Variants in VAMP4 observed in about 807,000 individuals in gnomAD.
VAMP4 encodes vesicle-associated membrane protein 4.
A neutral mutation model predicts 23.5 loss-of-function variants in VAMP4; 19 were observed. That is an observed-to-expected ratio of 0.81 (90% CI 0.56 to 1.19). The LOEUF is 1.19. VAMP4 is among the 50% of genes most tolerant of loss of function. The pLI is 0.00. For missense variants in VAMP4, 145 were observed against 168.6 expected (o/e 0.86, Z 0.78); for synonymous variants, 31 against 51.0 (o/e 0.61, Z 1.67).
intron 2 of VAMP4, among the ~76,000 whole-genome samples, chr1:171,730,020 G>A (rs1226477079): frequency 6.6e-6 from 1 of 152,136 alleles, no homozygotes; most frequent in African/African-American, 2.4e-5. Flanking sequence ...ACACAGGAAG[G>A]GGTATGAGCC....
intron 3 of VAMP4, among the ~76,000 whole-genome samples, chr1:171,728,117 C>G (rs572720999): frequency 6.6e-6 from 1 of 152,128 alleles, no homozygotes; most frequent in Non-Finnish European, 1.5e-5. Context: ...CAGAAATAAA[C>G]AATTCATAAG....
rs193201484 is a variant in VAMP4, at chr1:171,718,168, T to C, written c.164+1003A>G. 5.3e-5 allele frequency among the ~76,000 whole-genome samples: 8 copies of C among 152,354 alleles called. No individual in the cohort carries two copies. The East Asian group carries it at 1.5e-3, about 29-fold the overall frequency. ...CCAGTCTAGTACCTGTAATCATTTA[T>C]TGGTTCTTTGGTTCCATATCTCAAA... On this transcript the variant is annotated intron_variant, in intron 4 of 7. Transcript: ENST00000236192.
chr1:171,729,638 T>C (rs1414443409), intron 2 of VAMP4, among the ~76,000 whole-genome samples: 5 of 152,188 alleles, frequency 3.3e-5, no homozygotes, highest in African/African-American at 1.2e-4. Context: ...AAGATGTTCA[T>C]TTCCTAATCA....
intron 1 of VAMP4, among the ~76,000 whole-genome samples, chr1:171,741,003 A>G (rs148249514): frequency 7.2e-4 from 109 of 152,352 alleles, no homozygotes; most frequent in East Asian, 7.7e-4. Context: ...CATGCTCAGA[A>G]AGTAGACTAG....
intron 2 of VAMP4, among the ~76,000 whole-genome samples, chr1:171,734,065 C>T (rs900278754): frequency 1.3e-5 from 2 of 151,934 alleles, no homozygotes; most frequent in Non-Finnish European, 2.9e-5. Flanking sequence ...GTCAGGAGTT[C>T]GAGACTAGCC....
chr1:171,728,272 C>T (rs1261975257), intron 3 of VAMP4, among the ~76,000 whole-genome samples: 6 of 152,120 alleles, frequency 3.9e-5, no homozygotes, highest in African/African-American at 1.2e-4. Context: ...ATCTTCTTGG[C>T]TTCATGATCC....
chr1:171,708,843 G>C (rs1174893246), intron 6 of VAMP4, among the ~76,000 whole-genome samples: 2 of 140,566 alleles, frequency 1.4e-5, no homozygotes, highest in East Asian at 4.2e-4. Flanking sequence ...GCCGAGATCA[G>C]CCTGGACAAC....
chr1:171,735,363 C>A (rs145333046), intron 2 of VAMP4, among the ~76,000 whole-genome samples: 144 of 152,254 alleles, frequency 9.5e-4, no homozygotes, highest in Middle Eastern at 3.4e-3. Flanking sequence ...TTGGCTACAA[C>A]CTTCTCTGCT....
At chr1:171,710,400 A>C (rs1654812559) in intron 5 of VAMP4, among the ~76,000 whole-genome samples, 1 of 152,100 alleles carries the variant, frequency 6.6e-6, no homozygotes, top group Admixed American at 6.6e-5. Context: ...TTGAAAAGTG[A>C]GTAGGTCTTT....
intron 4 of VAMP4, 31 bp downstream of exon 4, chr1:171,719,120 CTAGTCTACACAGAAATATGA>C: frequency 6.4e-7 from 1 of 1,554,334 alleles, no homozygotes; most frequent in Non-Finnish European, 8.8e-7. Context: ...TTGCCAATCT[CTAGTCTACACAGAAATATGA>C]TTATCATTTA....
intron 7 of VAMP4, among the ~76,000 whole-genome samples, chr1:171,705,403 A>G (rs1215002743): frequency 6.6e-6 from 1 of 152,144 alleles, no homozygotes; most frequent in African/African-American, 2.4e-5. Context: ...AAAAAGCACA[A>G]CAATGCAGAA....
intron 4 of VAMP4, among the ~76,000 whole-genome samples, chr1:171,715,174 A>G (rs1182869120): frequency 1.3e-5 from 2 of 152,248 alleles, no homozygotes; most frequent in Non-Finnish European, 2.9e-5. Context: ...ATTAACTGGT[A>G]GTAGACGATG....
At chr1:171,741,739 C>A (rs573931958) in intron 1 of VAMP4, among the ~76,000 whole-genome samples, 171 bp downstream of exon 1, 34 of 152,244 alleles carry the variant, frequency 2.2e-4, no homozygotes, top group African/African-American at 7.9e-4. Context: ...CTTCCTTCCT[C>A]ACGGCACCCC....
Position 171,719,241 on chromosome 1 carries a change from A to T in VAMP4, c.114-20T>A, listed in dbSNP as rs1360102504. 1 of 1,602,498 alleles carries T rather than the reference A, an allele frequency of 6.2e-7. No homozygotes were observed. Among genetic ancestry groups the T allele is most frequent in the Non-Finnish European group, 8.5e-7 (1 of 1,171,788 alleles). ...CCCCTTCTGAAAACAAGTACATACC[A>T]AGTACATATTAGTAGTGACAGGATT... On this transcript the variant is annotated intron_variant, in intron 3 of 7. Transcript: ENST00000236192.
intron 3 of VAMP4, among the ~76,000 whole-genome samples, chr1:171,723,547 G>C (rs765259424): frequency 6.6e-6 from 1 of 152,186 alleles, no homozygotes; most frequent in Non-Finnish European, 1.5e-5. Flanking sequence ...ATATGGCTCT[G>C]TTCTGCCCAG....
intron 2 of VAMP4, among the ~76,000 whole-genome samples, chr1:171,729,759 A>C (rs1655499226): frequency 1.3e-5 from 2 of 152,168 alleles, no homozygotes; most frequent in Admixed American, 1.3e-4. Flanking sequence ...TCCCGGGTTC[A>C]AGTGATTCTC....
chr1:171,709,993 A>G (rs2124840560), intron 5 of VAMP4, among the ~76,000 whole-genome samples: 1 of 152,274 alleles, frequency 6.6e-6, no homozygotes, highest in East Asian at 1.9e-4. Flanking sequence ...TAAAATTAAG[A>G]AAAGTCTTTT....
At chr1:171,709,825 A>G in intron 5 of VAMP4, 81 bp from the exon 6 acceptor site, 1 of 1,144,784 alleles carries the variant, frequency 8.7e-7, no homozygotes, top group Non-Finnish European at 1.3e-6. Flanking sequence ...ATAAGAAAAT[A>G]TTAATTTCTA....
chr1:171,734,105 T>C (rs1705356492), intron 2 of VAMP4, among the ~76,000 whole-genome samples: 1 of 151,766 alleles, frequency 6.6e-6, no homozygotes, highest in African/African-American at 2.4e-5. Flanking sequence ...CCATCTCTAC[T>C]AAAAATACAA....
Sources: gnomAD v4.1 joint callset for allele counts (sites outside exome capture counted in the v4.1 genomes callset) on GRCh38, gnomAD v4.1.1 for gene constraint, MANE v1.5 for transcripts, NCBI Gene and HGNC (gene_info 2026-07-23, HGNC 2026-07-21) for gene names.